Variants in KLF12 observed in about 807,000 individuals in gnomAD.
KLF12 encodes the protein Krueppel-like factor 12.
In KLF12, 9 loss-of-function variants were observed where a neutral mutation model predicts 37.8. That is an observed-to-expected ratio of 0.24 (90% CI 0.14 to 0.42). The LOEUF (loss-of-function observed/expected upper bound fraction) is 0.42, where lower values mean the gene tolerates loss of function less well. KLF12 is among the 10% of genes least tolerant of loss of function. KLF12 has a pLI of 1.00. For missense variants in KLF12, 411 were observed against 516.0 expected (o/e 0.80, Z 1.97); for synonymous variants, 208 against 202.1 (o/e 1.03, Z -0.25).
chr13:74,268,173 A>C, the KLF12 span, among the ~76,000 whole-genome samples: 1 of 152,000 alleles, frequency 6.6e-6, no homozygotes. Flanking sequence ...GAGATTCTCT[A>C]TATTATTTTG....
At chr13:73,876,152 T>TAA (rs66733197) in intron 3 of KLF12, among the ~76,000 whole-genome samples, 42 of 120,216 alleles carry the variant, frequency 3.5e-4, no homozygotes, top group African/African-American at 1.2e-3. Flanking sequence ...TCAGCTAAAA[T>TAA]AAAAAAAAAA....
chr13:73,995,747 G>A (rs7988547), intron 1 of KLF12, among the ~76,000 whole-genome samples: 11,274 of 152,108 alleles, frequency 0.074, 633 homozygotes, highest in African/African-American at 0.16. Context: ...TATTGGGCTG[G>A]GGAGTTCTGA....
At chr13:74,020,473 AAGG>A (rs1250009865) in intron 1 of KLF12, among the ~76,000 whole-genome samples, 5 of 152,334 alleles carry the variant, frequency 3.3e-5, no homozygotes, top group Admixed American at 3.3e-4. Context: ...TCTAATTTTT[AAGG>A]AAGTCAGTGT....
At position 73,695,635 on chromosome 13, in the gene KLF12, G is replaced by A; in HGVS notation, c.1064C>T (p.Thr355Ile). 6.2e-7 allele frequency: 1 copy of A among 1,614,062 alleles called. No homozygotes were observed. Reference sequence around the variant, plus strand: ...TTCATCTGAACGAGCGAACTTCCAGGTGCAGCCTTCCCAGGTACACTTGTA... The same window carrying A: ...TTCATCTGAACGAGCGAACTTCCAGATGCAGCCTTCCCAGGTACACTTGTA... The change falls in exon 8 of 8, where the codon ACC becomes ATC. Residue 355 changes from threonine (T) to isoleucine (I), a missense_variant. Thr to Ile is a moderately conservative substitution (Grantham distance 89). Around this residue, in one of 2 missense-constraint regions of KLF12, gnomAD observed 60 missense variants for 118.2 expected, o/e 0.51. Coordinates refer to ENST00000377669, the MANE Select transcript of KLF12 (RefSeq NM_007249.5).
At chr13:73,714,200 T>C (rs1447382629) in intron 7 of KLF12, among the ~76,000 whole-genome samples, 1 of 152,114 alleles carries the variant, frequency 6.6e-6, no homozygotes, top group Non-Finnish European at 1.5e-5. Context: ...CCCAGAACTC[T>C]GAAAGGCCAA....
rs931280312 is a variant in KLF12 at position 73,952,198 on chromosome 13, C to T, written c.34-8128G>A. On this transcript the variant is annotated intron_variant, in intron 2 of 7. Transcript: ENST00000377669. ...GAAGGGTTGTATCAGTCCCTTCTTG[C>T]ATTGCTCTAAAGAACTACCGGATAC... 5.3e-5 allele frequency among the ~76,000 whole-genome samples: 8 copies of T among 152,128 alleles called. No homozygotes were observed. The South Asian group carries it at 1.7e-3, about 31-fold the overall frequency.
intron 3 of KLF12, among the ~76,000 whole-genome samples, chr13:73,909,941 AAATTTTCT>A (rs1888492569): frequency 6.6e-6 from 1 of 152,136 alleles, no homozygotes; most frequent in Admixed American, 6.5e-5. Context: ...TATAATTTAT[AAATTTTCT>A]AATTTTATAC....
chr13:73,881,186 A>G (rs2138950998), intron 3 of KLF12, among the ~76,000 whole-genome samples: 1 of 152,268 alleles, frequency 6.6e-6, no homozygotes, highest in Admixed American at 6.5e-5. Context: ...TATATAAACC[A>G]TTATTTATAA....
intron 1 of KLF12, among the ~76,000 whole-genome samples, chr13:74,067,000 G>A (rs1384705434): frequency 6.6e-6 from 1 of 152,192 alleles, no homozygotes; most frequent in Non-Finnish European, 1.5e-5. Context: ...GCAGGGGCTT[G>A]GGGACAGTGT....
chr13:74,241,969 C>G, the KLF12 span, among the ~76,000 whole-genome samples: 3 of 152,292 alleles, frequency 2.0e-5, no homozygotes, highest in East Asian at 1.9e-4. Context: ...GGCTCCTCCC[C>G]CCAGGTACCG....
At chr13:73,897,201 A>T (rs907603797) in intron 3 of KLF12, among the ~76,000 whole-genome samples, 1 of 152,062 alleles carries the variant, frequency 6.6e-6, no homozygotes, top group Admixed American at 6.6e-5. Flanking sequence ...TGAAAAATTT[A>T]AAAAAAAATC....
At chr13:74,100,893 T>G (rs376152057) in intron 1 of KLF12, among the ~76,000 whole-genome samples, 2 of 152,250 alleles carry the variant, frequency 1.3e-5, no homozygotes, top group African/African-American at 4.8e-5. Flanking sequence ...GGAGGGGATC[T>G]CTCTGAAGTT....
chr13:74,186,678 T>A, the KLF12 span, among the ~76,000 whole-genome samples: 3 of 152,084 alleles, frequency 2.0e-5, no homozygotes, highest in Non-Finnish European at 2.9e-5. Flanking sequence ...AGAAAAAAAA[T>A]TCCTTTTGTT....
chr13:73,715,452 G>A lies in KLF12; in HGVS notation c.943C>T (p.Arg315Cys), dbSNP rs1036701622. 2.5e-6 allele frequency: 4 copies of A among 1,613,966 alleles called. No individual in the cohort carries two copies. The highest frequency in any genetic ancestry group is 1.7e-5 in the Admixed American group (1 of 60,004). ...CCCTCAAAATCACATCTGTGGATAC[G>A]CCGTTTTCTGGAGTCTGGGGATTCA... Residue 315 changes from arginine to cysteine, a missense_variant, in exon 7 of 8, where the codon CGT (arginine) becomes TGT (cysteine). By Grantham distance (180) the Arg-to-Cys change is radical. Transcript: ENST00000377669.
In KLF12 at chr13:73,905,029, C is replaced by T. The variant is rs146897482; in HGVS notation, c.123+38952G>A. ...TTTATAGCTTTCTGAAGTGTTGATTCTATTTAATTTGCATGTTTGTTTTGT... is the reference window on the plus strand; with the variant it reads ...TTTATAGCTTTCTGAAGTGTTGATTTTATTTAATTTGCATGTTTGTTTTGT... On this transcript the variant is annotated intron_variant, in intron 3 of 7. Coordinates refer to ENST00000377669, the MANE Select transcript of KLF12 (RefSeq NM_007249.5). Among the ~76,000 whole-genome samples the T allele has an allele frequency of 3.9e-3, 588 of 151,030 alleles. 4 individuals carry two copies. The highest frequency in any genetic ancestry group is 0.014 in the African/African-American group (565 of 41,276).
chr13:74,046,304 A>C (rs1186069430), intron 1 of KLF12, among the ~76,000 whole-genome samples: 1 of 152,202 alleles, frequency 6.6e-6, no homozygotes, highest in Admixed American at 6.5e-5. Flanking sequence ...CTGCAAATCC[A>C]CAACTCCAAA....
At chr13:73,806,866 G>T (rs535779299) in intron 5 of KLF12, among the ~76,000 whole-genome samples, 1 of 151,866 alleles carries the variant, frequency 6.6e-6, no homozygotes, top group South Asian at 2.1e-4. Flanking sequence ...CTATTCTCTA[G>T]TGTGATTTAA....
chr13:74,291,784 A>G, the KLF12 span, among the ~76,000 whole-genome samples: 1 of 152,200 alleles, frequency 6.6e-6, no homozygotes, highest in African/African-American at 2.4e-5. Context: ...ACAAATCAGC[A>G]AAGATGATGT....
intron 3 of KLF12, among the ~76,000 whole-genome samples, chr13:73,921,797 T>C (rs1286862013): frequency 6.6e-6 from 1 of 152,174 alleles, no homozygotes; most frequent in East Asian, 1.9e-4. Context: ...TCTAGATACG[T>C]GTCTTTTGCA....
Sources: gnomAD v4.1 joint callset for allele counts (sites outside exome capture counted in the v4.1 genomes callset) on GRCh38, gnomAD v4.1.1 for gene constraint, gnomAD v4.1.1 regional missense constraint, MANE v1.5 for transcripts, NCBI Gene and HGNC (gene_info 2026-07-23, HGNC 2026-07-21) for gene names.